Variants in SUPV3L1 observed in about 807,000 individuals in gnomAD.
SUPV3L1 encodes the protein ATP-dependent RNA helicase SUPV3L1, mitochondrial.
Under a neutral mutation model 70.0 loss-of-function variants are expected in SUPV3L1, and 35 were observed. The ratio of observed to expected loss-of-function variants is 0.50; its 90% CI spans 0.38 to 0.66. The LOEUF is 0.66. Among genes scored for constraint, SUPV3L1 ranks in the 30% least tolerant of loss-of-function variants. The pLI is 0.00. For synonymous variants in SUPV3L1, 364 were observed against 341.9 expected, an observed-to-expected ratio of 1.06 and a Z score of -0.71; for missense variants, 777 against 961.5, an observed-to-expected ratio of 0.81 and a Z score of 2.54.
chr10:69,204,638 A>G (rs554241553), intron 13 of SUPV3L1, among the ~76,000 whole-genome samples: 4 of 152,254 alleles, frequency 2.6e-5, no homozygotes, highest in East Asian at 3.9e-4. Flanking sequence ...TCCCTCCCCA[A>G]TCTTAGTCCT....
In SUPV3L1 at chr10:69,187,647, G is replaced by A; in HGVS notation, c.463G>A (p.Ala155Thr). 1 of 1,603,972 alleles carries A rather than the reference G, an allele frequency of 6.2e-7. No individual in the cohort carries two copies. Among genetic ancestry groups the A allele is most frequent in the Non-Finnish European group, 8.5e-7 (1 of 1,174,148 alleles). ...TACAGTGTTTTATTTTCCAGCTCAT[G>A]CGGATGATTTATTCCCATTTTTCTT... ...LNDICFGAAH[A>T]DDLFPFFLRH... The change falls in exon 4 of 15, where the codon GCG becomes ACG. Residue 155 changes from alanine (A) to threonine (T), a missense_variant. Coordinates refer to ENST00000359655, the MANE Select transcript of SUPV3L1 (RefSeq NM_003171.5).
In SUPV3L1 at chr10:69,207,951, T is replaced by A; in HGVS notation, c.1925+10T>A. 1 of 1,610,094 alleles carries A rather than the reference T, an allele frequency of 6.2e-7. No homozygotes were observed. The highest frequency in any genetic ancestry group is 8.5e-7 in the Non-Finnish European group (1 of 1,178,166). On this transcript the variant is annotated intron_variant, in intron 14 of 14. Transcript: ENST00000359655. ...TTTACTTGTGGCTAAGGTACCAACA[T>A]TTTTCCTTTATGTGCTCTCATTTTT...
At chr10:69,199,938 G>A (rs1842641693) in intron 10 of SUPV3L1, among the ~76,000 whole-genome samples, 1 of 152,080 alleles carries the variant, frequency 6.6e-6, no homozygotes, top group Admixed American at 6.6e-5. Flanking sequence ...TCAAACTCCT[G>A]GGCTCAAGCG....
chr10:69,200,476 A>C lies in SUPV3L1; in HGVS notation c.1495A>C (p.Lys499Gln). The C allele has an allele frequency of 6.2e-7, 1 of 1,613,990 alleles. No homozygotes were observed. Among genetic ancestry groups the C allele is most frequent in the Non-Finnish European group, 8.5e-7 (1 of 1,179,962 alleles). ...TCTCAGTTTATTAAAGGAAATTTTG[A>C]AGAGGCCTGTGGATCCTATAAGGGT... ...EDLSLLKEIL[K>Q]RPVDPIRAAG... is the part of the protein sequence containing the mutation. The change falls in exon 11 of 15, where the codon AAG becomes CAG. Residue 499 changes from lysine to glutamine, a missense_variant. Transcript: ENST00000359655.
intron 6 of SUPV3L1, chr10:69,192,415 A>G (rs1439838462): frequency 1.3e-5 from 2 of 152,238 alleles, no homozygotes; most frequent in African/African-American, 2.4e-5. Flanking sequence ...TATATATTAT[A>G]TCACTGATAC....
At chr10:69,192,499 T>TAA (rs1273000736) in intron 6 of SUPV3L1, 3 of 152,374 alleles carry the variant, frequency 2.0e-5, no homozygotes, top group Admixed American at 6.5e-5. Context: ...TTCTACCACT[T>TAA]GCTTGTTTAC....
In SUPV3L1 at chr10:69,202,942, G is replaced by A; in HGVS notation, c.1675G>A (p.Glu559Lys). 1 of 1,614,108 alleles carries A rather than the reference G, an allele frequency of 6.2e-7. No homozygotes were observed. Among genetic ancestry groups the A allele is most frequent in the South Asian group, 1.1e-5 (1 of 91,078 alleles). Residue 559 changes from glutamate to lysine, a missense_variant, in exon 13 of 15, where the codon GAG becomes AAG. Glu to Lys is a moderately conservative substitution (Grantham distance 56). This residue lies in a region of SUPV3L1 where 619 missense variants were observed against 823.3 expected (regional missense o/e 0.75). Transcript: ENST00000359655. Reference protein sequence around the residue: ...CNMDDFKFSAELIQHIPLSLR... With the variant: ...CNMDDFKFSAKLIQHIPLSLR... Reference sequence around the variant, plus strand: ...TATGGATGATTTTAAATTTTCTGCAGAGTTGATCCAGCATATTCCACTAAG... The same window carrying A: ...TATGGATGATTTTAAATTTTCTGCAAAGTTGATCCAGCATATTCCACTAAG...
At position 69,186,129 on chromosome 10, in the gene SUPV3L1, T is replaced by C. The variant is rs748397640; in HGVS notation, c.349+65T>C. On this transcript the variant is annotated intron_variant, in intron 2 of 14. Coordinates refer to ENST00000359655, the MANE Select transcript of SUPV3L1 (RefSeq NM_003171.5). ...TCTTACGGTACAGCTTGGTCAGGAC[T>C]GTACGACCCCTCATGTGACCTGGCT... is the stretch of plus-strand genomic sequence containing the variant. The C allele has an allele frequency of 1.1e-4, 153 of 1,390,800 alleles. 1 individual carries two copies. The highest frequency in any genetic ancestry group is 1.5e-4 in the Non-Finnish European group (150 of 990,782). 86.2% of individuals were successfully genotyped at this position (1,390,800 alleles called of 1,614,324 possible).
intron 3 of SUPV3L1, 132 bp from the exon 4 acceptor site, chr10:69,187,510 G>A (rs938595989): frequency 1.7e-6 from 1 of 593,476 alleles, no homozygotes; most frequent in African/African-American, 1.9e-5. Context: ...GAGCTACTGT[G>A]CCCAGAGAGG....
At chr10:69,186,325 CAAAAAA>C (rs34197871) in intron 2 of SUPV3L1, 112 bp from the exon 3 acceptor site, 45 of 400,164 alleles carry the variant, frequency 1.1e-4, no homozygotes, top group East Asian at 6.0e-4. Flanking sequence ...GCTGTACTGC[CAAAAAA>C]AAAAAAAAAA....
intron 13 of SUPV3L1, among the ~76,000 whole-genome samples, chr10:69,203,824 C>T (rs1842750307): frequency 6.6e-6 from 1 of 152,132 alleles, no homozygotes; most frequent in Admixed American, 6.5e-5. Flanking sequence ...CTCCCTGGCT[C>T]AAGTGATCCT....
At chr10:69,200,127 G>T (rs1226353239) in intron 10 of SUPV3L1, among the ~76,000 whole-genome samples, 153 bp from the exon 11 acceptor site, 1 of 152,180 alleles carries the variant, frequency 6.6e-6, no homozygotes. Context: ...GATTATGGGT[G>T]TGAGCCACTG....
chr10:69,180,981 C>T (rs73276521), intron 1 of SUPV3L1, among the ~76,000 whole-genome samples: 6,333 of 152,190 alleles, frequency 0.042, 464 homozygotes, highest in African/African-American at 0.14. Context: ...CGACTCATAC[C>T]ACGCTGTTAG....
intron 7 of SUPV3L1, 66 bp downstream of exon 7, chr10:69,195,331 G>T: frequency 1.6e-6 from 2 of 1,257,354 alleles, no homozygotes. Context: ...ATTTTTATCT[G>T]CTTGCCATTG....
At chr10:69,205,646 GTC>G (rs1307606506) in intron 13 of SUPV3L1, among the ~76,000 whole-genome samples, 2 of 152,192 alleles carry the variant, frequency 1.3e-5, no homozygotes, top group Non-Finnish European at 2.9e-5. Flanking sequence ...CGATTCTCCT[GTC>G]TCAGCCTCCC....
At chr10:69,205,299 C>T (rs1216572119) in intron 13 of SUPV3L1, among the ~76,000 whole-genome samples, 1 of 152,206 alleles carries the variant, frequency 6.6e-6, no homozygotes, top group African/African-American at 2.4e-5. Flanking sequence ...ACCATTCACA[C>T]CATCCTTTAA....
At position 69,191,650 on chromosome 10, in the gene SUPV3L1, T is replaced by C. The variant is rs1482505748; in HGVS notation, c.742-5T>C. 2 of 1,612,410 alleles carry C rather than the reference T, an allele frequency of 1.2e-6. No homozygotes were observed. Among genetic ancestry groups the C allele is most frequent in the South Asian group, 2.2e-5 (2 of 91,034 alleles). Reference sequence around the variant, plus strand: ...ATAATTCTAGTTTTTTTTCTGTCTTTCTAGGGTGTGCCATGTGACTTGGTG... The same window carrying C: ...ATAATTCTAGTTTTTTTTCTGTCTTCCTAGGGTGTGCCATGTGACTTGGTG... On this transcript the variant is annotated splice_region_variant and splice_polypyrimidine_tract_variant and intron_variant, in intron 5 of 14. Coordinates refer to ENST00000359655, the MANE Select transcript of SUPV3L1 (RefSeq NM_003171.5).
chr10:69,203,087 T>G, intron 13 of SUPV3L1, 44 bp downstream of exon 13: 1 of 1,552,822 alleles, frequency 6.4e-7, no homozygotes, highest in South Asian at 1.2e-5. Context: ...TTCTGGTTGA[T>G]GCAGGTTCCC....
At position 69,203,007 on chromosome 10, in the gene SUPV3L1, C is replaced by T; in HGVS notation, c.1740C>T (p.Asn580=). The T allele has an allele frequency of 6.2e-7, 1 of 1,613,774 alleles. No homozygotes were observed. Among genetic ancestry groups the T allele is most frequent in the East Asian group, 2.2e-5 (1 of 44,870 alleles). The change falls in exon 13 of 15, where the codon AAC becomes AAT. Residue 580 remains asparagine (N), a synonymous_variant. Coordinates refer to ENST00000359655, the MANE Select transcript of SUPV3L1 (RefSeq NM_003171.5). ...VRYVFCTAPI[N]KKQPFVCSSL... Reference sequence around the variant, plus strand: ...ATGTTTTCTGCACAGCTCCTATCAACAAGAAGCAGCCTTTTGTGTGTTCTT... The same window carrying T: ...ATGTTTTCTGCACAGCTCCTATCAATAAGAAGCAGCCTTTTGTGTGTTCTT...
Sources: allele counts gnomAD v4.1 joint callset (sites outside exome capture counted in the v4.1 genomes callset), GRCh38; gene constraint gnomAD v4.1.1; regional missense constraint gnomAD v4.1.1; transcripts MANE v1.5; gene names NCBI Gene and HGNC (gene_info 2026-07-23, HGNC 2026-07-21).